The following MOB1A variants were observed in gnomAD, a reference collection of about 807,000 sequenced individuals.
MOB1A encodes MOB kinase activator 1A, also known as MOB1 Mps One Binder homolog A.
Under a neutral mutation model 25.1 loss-of-function variants are expected in MOB1A, and 10 were observed. The ratio of observed to expected loss-of-function variants is 0.40; its 90% CI spans 0.25 to 0.68. The LOEUF (loss-of-function observed/expected upper bound fraction) is 0.68, where lower values mean the gene tolerates loss of function less well. Among genes scored for constraint, MOB1A ranks in the 30% least tolerant of loss-of-function variants. MOB1A has a pLI of 0.40. For synonymous variants in MOB1A, 81 were observed against 79.5 expected, an observed-to-expected ratio of 1.02 and a Z score of -0.10; for missense variants, 177 against 256.3, an observed-to-expected ratio of 0.69 and a Z score of 2.11.
At chr2:74,173,165 G>T (rs939697892) in intron 1 of MOB1A, 1 of 516,590 alleles carries the variant, frequency 1.9e-6, no homozygotes, top group African/African-American at 1.9e-5. Context: ...TCTGAAAAAT[G>T]CCAAGATAGG....
At chr2:74,175,950 A>C (rs1337671095) in intron 1 of MOB1A, among the ~76,000 whole-genome samples, 1 of 152,094 alleles carries the variant, frequency 6.6e-6, no homozygotes, top group Non-Finnish European at 1.5e-5. Flanking sequence ...AAGACTGATT[A>C]AGAAGTAAAA....
intron 2 of MOB1A, among the ~76,000 whole-genome samples, chr2:74,169,576 A>C (rs1693225093): frequency 6.6e-6 from 1 of 152,136 alleles, no homozygotes. Flanking sequence ...GATATACCCA[A>C]TATAATTAAA....
chr2:74,166,869 A>G (rs746732957), intron 3 of MOB1A, 145 bp downstream of exon 3: 27 of 569,848 alleles, frequency 4.7e-5, no homozygotes, highest in Non-Finnish European at 6.6e-5. Context: ...CACAATAACT[A>G]AAAGCTTACA....
rs1692768862 is a variant in MOB1A at position 74,155,178 on chromosome 2, CTTG to C, written c.*1387_*1389del. The C allele has an allele frequency of 2.0e-5, 3 of 152,510 alleles. No homozygotes were observed. The South Asian group carries it at 6.2e-4, about 32-fold the overall frequency. 9.4% of individuals were successfully genotyped at this position (152,510 alleles called of 1,614,324 possible). ...GTTTGGCAAGTCTTCCAGTATAATA[CTTG>C]TTGTGCCTCAGTACATTTTAAATAG... On this transcript the variant is annotated 3_prime_UTR_variant, in exon 6 of 6. Transcript: ENST00000396049.
At chr2:74,172,879 T>G in intron 1 of MOB1A, 127 bp from the exon 2 acceptor site, 1 of 988,798 alleles carries the variant, frequency 1.0e-6, no homozygotes, top group Non-Finnish European at 1.5e-6. Flanking sequence ...GGGCCAGGCA[T>G]GGTGGCTCAT....
Position 74,154,920 on chromosome 2 carries a change from GAAATGTTTTCTTTA to G in MOB1A, c.*1634_*1647del, listed in dbSNP as rs1692761404. ...TATGTGGATGCTAACTAAATCAGAT[GAAATGTTTTCTTTA>G]AAATTCTGTATATATTTAAGAATTT... On this transcript the variant is annotated 3_prime_UTR_variant, in exon 6 of 6. Transcript: ENST00000396049. 2 of 152,136 alleles carry G rather than the reference GAAATGTTTTCTTTA, an allele frequency of 1.3e-5. No individual in the cohort carries two copies. Among genetic ancestry groups the G allele is most frequent in the South Asian group, 4.1e-4 (2 of 4,826 alleles). The allele number at this position is 152,136 out of a possible 1,614,324, so 9.4% of individuals were successfully genotyped here. A position where few individuals can be genotyped will look rare whatever the true frequency, so the allele number is the denominator to read the frequency against.
In MOB1A at chr2:74,152,922, G is replaced by A. The variant is rs1692699533; in HGVS notation, c.*3646C>T. The A allele has an allele frequency of 6.6e-6, 1 of 152,172 alleles. No homozygotes were observed. The highest frequency in any genetic ancestry group is 2.4e-5 in the African/African-American group (1 of 41,430). 9.4% of individuals were successfully genotyped at this position (152,172 alleles called of 1,614,324 possible). ...AACTCAAATGAATGTCAGTGCAGTT[G>A]CTTCAAAAAAATTACTGCTACCACA... On this transcript the variant is annotated 3_prime_UTR_variant, in exon 6 of 6. Coordinates refer to ENST00000396049, the MANE Select transcript of MOB1A (RefSeq NM_018221.5).
intron 2 of MOB1A, among the ~76,000 whole-genome samples, chr2:74,167,737 A>G (rs1693172733): frequency 1.3e-5 from 2 of 152,290 alleles, no homozygotes; most frequent in South Asian, 4.1e-4. Context: ...AATCATAAAC[A>G]TTTGTTTTTG....
chr2:74,160,053 G>C (rs1692922033), intron 4 of MOB1A, among the ~76,000 whole-genome samples: 1 of 152,128 alleles, frequency 6.6e-6, no homozygotes, highest in African/African-American at 2.4e-5. Context: ...CTGGCCTCAA[G>C]TGATCTGCCT....
intron 5 of MOB1A, among the ~76,000 whole-genome samples, chr2:74,158,387 T>C (rs1692863749): frequency 1.3e-5 from 2 of 152,148 alleles, no homozygotes; most frequent in African/African-American, 2.4e-5. Context: ...TAGACAGACA[T>C]GTATATGTAA....
intron 1 of MOB1A, 124 bp downstream of exon 1, chr2:74,178,537 A>C (rs1050214020): frequency 3.2e-5 from 21 of 656,232 alleles, no homozygotes; most frequent in Non-Finnish European, 4.0e-5. Flanking sequence ...AACAGAGGCA[A>C]AACAAACGCC....
chr2:74,156,673 A>G, intron 5 of MOB1A, 28 bp from the exon 6 acceptor site: 2 of 1,484,486 alleles, frequency 1.3e-6, no homozygotes, highest in Non-Finnish European at 1.8e-6. Flanking sequence ...ATAACAATTA[A>G]AAATGGATCT....
intron 2 of MOB1A, among the ~76,000 whole-genome samples, chr2:74,168,909 G>A (rs1358624086): frequency 1.3e-5 from 2 of 152,138 alleles, no homozygotes; most frequent in Admixed American, 6.6e-5. Context: ...CGTGGTCCAG[G>A]AATCCCCTAT....
chr2:74,156,323 G>T lies in MOB1A; in HGVS notation c.*245C>A, dbSNP rs2103684145. 4.5e-6 allele frequency: 2 copies of T among 444,718 alleles called. No individual in the cohort carries two copies. The highest frequency in any genetic ancestry group is 8.3e-5 in the East Asian group (2 of 24,116). 27.5% of individuals were successfully genotyped at this position (444,718 alleles called of 1,614,324 possible). On this transcript the variant is annotated 3_prime_UTR_variant, in exon 6 of 6. Transcript: ENST00000396049. Reference sequence around the variant, plus strand: ...GTTAACCATCACATATTACAACCAAGTATGACTATGTGATAACAACAAGAG... The same window carrying T: ...GTTAACCATCACATATTACAACCAATTATGACTATGTGATAACAACAAGAG...
Position 74,159,087 on chromosome 2 carries a change from T to C in MOB1A, c.573+4A>G. 6.2e-7 allele frequency: 1 copy of C among 1,613,326 alleles called. No individual in the cohort carries two copies. The highest frequency in any genetic ancestry group is 8.5e-7 in the Non-Finnish European group (1 of 1,179,672). ...GACACAGAAATCAACATGGATCAAC[T>C]TACCTGAACAAAGAAAATAAAGTGC... On this transcript the variant is annotated splice_donor_region_variant and intron_variant, in intron 5 of 5. Transcript: ENST00000396049.
intron 2 of MOB1A, 79 bp from the exon 3 acceptor site, chr2:74,167,186 A>G: frequency 1.9e-6 from 2 of 1,075,118 alleles, no homozygotes; most frequent in Non-Finnish European, 2.8e-6. Flanking sequence ...AAAAACAGAC[A>G]ATACATTTAG....
intron 5 of MOB1A, 33 bp from the exon 6 acceptor site, chr2:74,156,678 G>T: frequency 2.0e-6 from 3 of 1,470,174 alleles, no homozygotes; most frequent in Non-Finnish European, 2.8e-6. Flanking sequence ...AATTAAAAAT[G>T]GATCTAAAAC....
intron 5 of MOB1A, among the ~76,000 whole-genome samples, chr2:74,157,543 T>A (rs767876485): frequency 1.3e-5 from 2 of 152,200 alleles, no homozygotes; most frequent in African/African-American, 4.8e-5. Flanking sequence ...TTACTTTTGA[T>A]TGATATCCCA....
At chr2:74,172,306 T>C (rs1190435630) in intron 2 of MOB1A, among the ~76,000 whole-genome samples, 1 of 152,232 alleles carries the variant, frequency 6.6e-6, no homozygotes, top group Non-Finnish European at 1.5e-5. Flanking sequence ...TTTTCATTTA[T>C]CAATCTTTTA....
Sources: allele counts gnomAD v4.1 joint callset (sites outside exome capture counted in the v4.1 genomes callset), GRCh38; gene constraint gnomAD v4.1.1; transcripts MANE v1.5; gene names NCBI Gene and HGNC (gene_info 2026-07-23, HGNC 2026-07-21).